COG5: variants seen among roughly 807,000 people sequenced by gnomAD.
COG5 encodes conserved oligomeric Golgi complex subunit 5.
A neutral mutation model predicts 110.4 loss-of-function variants in COG5; 86 were observed. That is an observed-to-expected ratio of 0.78 (90% CI 0.65 to 0.93). The LOEUF is 0.93. Among genes scored for constraint, COG5 ranks in the 40% least tolerant of loss-of-function variants. The pLI, the probability that COG5 is intolerant of heterozygous loss-of-function variation, is 0.00. For synonymous variants in COG5, 360 were observed against 334.6 expected (o/e 1.08, Z -0.83); for missense variants, 1,077 against 987.0 (o/e 1.09, Z -1.22).
chr7:107,284,201 C>T lies in COG5; in HGVS notation c.1314-469G>A, dbSNP rs1200787539. On this transcript the variant is annotated intron_variant, in intron 12 of 21. Coordinates refer to ENST00000297135, the MANE Select transcript of COG5 (RefSeq NM_006348.5). ...GGCCTCACAAAGTGCTGGGATTACA[C>T]GTGTGAGCAACCGTGCCCGGCCTAT... is the stretch of plus-strand genomic sequence containing the variant. Among the ~76,000 whole-genome samples, 9 of 152,132 alleles carry T rather than the reference C, an allele frequency of 5.9e-5. No individual in the cohort carries two copies. In the East Asian group the frequency reaches 1.2e-3, roughly 20 times the overall value.
intron 6 of COG5, among the ~76,000 whole-genome samples, chr7:107,483,082 A>T (rs920295808): frequency 6.6e-6 from 1 of 152,118 alleles, no homozygotes; most frequent in African/African-American, 2.4e-5. Context: ...TGCTGTTATT[A>T]TTTACTTTGT....
intron 6 of COG5, among the ~76,000 whole-genome samples, chr7:107,525,263 A>G (rs1276070028): frequency 1.3e-5 from 2 of 151,072 alleles, no homozygotes; most frequent in East Asian, 3.9e-4. Flanking sequence ...AGACATGACC[A>G]TTTGTATTAC....
intron 17 of COG5, among the ~76,000 whole-genome samples, chr7:107,241,821 T>C (rs1294746054): frequency 6.6e-6 from 1 of 152,032 alleles, no homozygotes; most frequent in East Asian, 1.9e-4. Context: ...TACTTTGTCA[T>C]CTATCCTGGA....
chr7:107,451,950 C>CTGGG (rs1281340930), intron 6 of COG5, among the ~76,000 whole-genome samples: 1 of 152,024 alleles, frequency 6.6e-6, no homozygotes, highest in African/African-American at 2.4e-5. Flanking sequence ...CAACCCTAGC[C>CTGGG]CCCACATTGT....
rs535419604 is a variant in COG5, at chr7:107,322,908, C to A, written c.1108+1532G>T. ...AAAGGAAATGGACTACCGATATATGCAACAACATGGAAGAATCTTAATTAT... is the reference window on the plus strand; with the variant it reads ...AAAGGAAATGGACTACCGATATATGAAACAACATGGAAGAATCTTAATTAT... On this transcript the variant is annotated intron_variant, in intron 11 of 21. Transcript: ENST00000297135. Among the ~76,000 whole-genome samples, 7 of 152,252 alleles carry A rather than the reference C, an allele frequency of 4.6e-5. 1 individual carries two copies. The South Asian group carries it at 1.4e-3, about 31-fold the overall frequency.
chr7:107,313,038 G>C, intron 11 of COG5, among the ~76,000 whole-genome samples: 1 of 152,078 alleles, frequency 6.6e-6, no homozygotes, highest in East Asian at 1.9e-4. Flanking sequence ...TGAGGCTTAG[G>C]AAACAAAAGA....
chr7:107,227,640 A>C (rs1378857628), intron 19 of COG5, among the ~76,000 whole-genome samples: 1 of 151,118 alleles, frequency 6.6e-6, no homozygotes, highest in Non-Finnish European at 1.5e-5. Context: ...CACAACTTTA[A>C]GAGTGCTTAC....
rs148232575 is a variant in COG5, at chr7:107,258,180, T to C, written c.1686+93A>G. On this transcript the variant is annotated intron_variant, in intron 15 of 21. Coordinates refer to ENST00000297135, the MANE Select transcript of COG5 (RefSeq NM_006348.5). ...ATCATCACATTTTCATTGTATTCTT[T>C]TCCAAAGTACTAAATAACAATTTGT... 222 of 750,412 alleles carry C rather than the reference T, an allele frequency of 3.0e-4. 3 individuals are homozygous for C. In the African/African-American group the frequency reaches 3.5e-3, roughly 12 times the overall value. The allele number at this position is 750,412 out of a possible 1,614,324, so 46.5% of individuals were successfully genotyped here.
At chr7:107,466,048 A>C (rs150545297) in intron 6 of COG5, among the ~76,000 whole-genome samples, 4 of 152,200 alleles carry the variant, frequency 2.6e-5, no homozygotes, top group Admixed American at 2.6e-4. Flanking sequence ...AATTATGCAA[A>C]GAAAAAAAGG....
chr7:107,410,520 G>A (rs1406774227), intron 7 of COG5, among the ~76,000 whole-genome samples: 7 of 152,034 alleles, frequency 4.6e-5, no homozygotes, highest in East Asian at 1.9e-4. Flanking sequence ...TCGGCTCACC[G>A]CAACCTCCGG....
intron 6 of COG5, among the ~76,000 whole-genome samples, chr7:107,469,325 A>G (rs1467423124): frequency 6.6e-6 from 1 of 152,086 alleles, no homozygotes; most frequent in Non-Finnish European, 1.5e-5. Flanking sequence ...TACCAAATAA[A>G]AGGGTTATGA....
intron 11 of COG5, among the ~76,000 whole-genome samples, chr7:107,315,158 C>CT (rs3839821): frequency 2.8e-3 from 405 of 144,586 alleles, no homozygotes; most frequent in Admixed American, 6.0e-3. Flanking sequence ...CTATTCTAAT[C>CT]TTTTTTTTTT....
At position 107,258,678 on chromosome 7, in the gene COG5, C is replaced by T. The variant is rs62483638; in HGVS notation, c.1576-295G>A. ...CTTCACAGCTGATGGACTCTTGAGG[C>T]AGGTGTGACCCAAATGCCCCATGTG... On this transcript the variant is annotated intron_variant, in intron 14 of 21. Transcript: ENST00000297135. The T allele has an allele frequency of 0.031, 11,900 of 383,534 alleles. 244 individuals carry two copies. The highest frequency in any genetic ancestry group is 0.048 in the South Asian group (1,213 of 25,272). 23.8% of individuals were successfully genotyped at this position (383,534 alleles called of 1,614,324 possible). A position where few individuals can be genotyped will look rare whatever the true frequency, so the allele number is the denominator to read the frequency against.
chr7:107,309,156 ATCACT>A (rs1807994825), intron 11 of COG5, among the ~76,000 whole-genome samples: 1 of 152,030 alleles, frequency 6.6e-6, no homozygotes, highest in South Asian at 2.1e-4. Context: ...AAAATACATC[ATCACT>A]TCACTTTGAT....
chr7:107,351,522 A>T (rs1452147799), intron 10 of COG5, among the ~76,000 whole-genome samples: 1 of 152,210 alleles, frequency 6.6e-6, no homozygotes, highest in Non-Finnish European at 1.5e-5. Flanking sequence ...GTGAACAGGC[A>T]ACCTACAGAA....
chr7:107,527,362 GC>G lies in COG5; in HGVS notation c.418-6del, dbSNP rs766142910. The stretch of plus-strand genomic sequence containing the variant: ...CCGAAGCAAATCACAGGCAACCTGT[GC>G]AAACATCACAATGTTAAGTTAGTTG... On this transcript the variant is annotated splice_region_variant and splice_polypyrimidine_tract_variant and intron_variant, in intron 5 of 21. Coordinates refer to ENST00000297135, the MANE Select transcript of COG5 (RefSeq NM_006348.5). 3 of 1,612,866 alleles carry G rather than the reference GC, an allele frequency of 1.9e-6. No individual in the cohort carries two copies. The African/African-American group carries it at 4.0e-5, about 22-fold the overall frequency.
chr7:107,214,227 C>CA (rs1397796640), intron 19 of COG5, among the ~76,000 whole-genome samples: 2 of 151,816 alleles, frequency 1.3e-5, no homozygotes, highest in East Asian at 3.9e-4. Flanking sequence ...AAATAAAAGA[C>CA]AAAAAAATTG....
At position 107,369,223 on chromosome 7, in the gene COG5, CTGTA is replaced by C. The variant is rs1813897334; in HGVS notation, c.835+3368_835+3371del. ...TCTTAGGCTTTAAATTGGTATCAGG[CTGTA>C]TGTATGTATCTGTAACTTTTTCATG... is the stretch of plus-strand genomic sequence containing the variant. On this transcript the variant is annotated intron_variant, in intron 8 of 21. Transcript: ENST00000297135. Among the ~76,000 whole-genome samples the C allele has an allele frequency of 2.6e-5, 4 of 152,058 alleles. No individual in the cohort carries two copies. In the South Asian group the frequency reaches 8.3e-4, roughly 32 times the overall value.
chr7:107,309,292 C>T (rs1240547722), intron 11 of COG5, among the ~76,000 whole-genome samples: 1 of 152,064 alleles, frequency 6.6e-6, no homozygotes, highest in East Asian at 1.9e-4. Context: ...TCTCCTTTAG[C>T]ATGTAAGTCC....
Sources: gnomAD v4.1 joint callset for allele counts (sites outside exome capture counted in the v4.1 genomes callset) on GRCh38, gnomAD v4.1.1 for gene constraint, MANE v1.5 for transcripts, NCBI Gene and HGNC (gene_info 2026-07-23, HGNC 2026-07-21) for gene names.